The following ALDH1L1 variants were observed in gnomAD, a reference collection of about 807,000 sequenced individuals.
ALDH1L1 encodes aldehyde dehydrogenase 1 family member L1.
Under a neutral mutation model 101.1 loss-of-function variants are expected in ALDH1L1, and 68 were observed. That is an observed-to-expected ratio of 0.67 (90% confidence interval 0.55 to 0.82). The LOEUF (loss-of-function observed/expected upper bound fraction) is 0.82. ALDH1L1 is among the 40% of genes least tolerant of loss of function. The probability of loss-of-function intolerance (pLI) is 0.00; values close to 1 mark genes in which losing one functional copy is unlikely to be tolerated. For synonymous variants in ALDH1L1, 486 were observed against 470.8 expected, an observed-to-expected ratio of 1.03 and a Z score of -0.42; for missense variants, 1,087 against 1,172.7, an observed-to-expected ratio of 0.93 and a Z score of 1.07.
intron 8 of ALDH1L1, 46 bp downstream of exon 8, chr3:126,150,360 G>A (rs368273789): frequency 5.2e-6 from 8 of 1,544,244 alleles, no homozygotes; most frequent in East Asian, 2.5e-5. Flanking sequence ...ACATGTGCAC[G>A]GCACAACCTG....
chr3:126,148,527 C>T (rs1268947524), intron 8 of ALDH1L1, among the ~76,000 whole-genome samples: 2 of 152,172 alleles, frequency 1.3e-5, no homozygotes, highest in African/African-American at 2.4e-5. Flanking sequence ...GACCATACAT[C>T]CTGGAGGCCG....
In ALDH1L1 at chr3:126,125,624, G is replaced by A; in HGVS notation, c.1792C>T (p.Pro598Ser). Residue 598 changes from proline (P) to serine (S), a missense_variant, in exon 15 of 23, where the codon CCT (proline) becomes TCT (serine). Pro to Ser is a moderately conservative substitution (Grantham distance 74, BLOSUM62 -1). This residue lies in a region of ALDH1L1 where 442 missense variants were observed against 535.7 expected (regional missense o/e 0.83). Coordinates refer to ENST00000393434, the MANE Select transcript of ALDH1L1 (RefSeq NM_012190.4). ...AGTGAACCCACGCTCACCTGAGCAGGCTTGATCACCACTGTGTTCCCGGCA... is the reference window on the plus strand; with the variant it reads ...AGTGAACCCACGCTCACCTGAGCAGACTTGATCACCACTGTGTTCCCGGCA... ...LAAGNTVVIKPAQVTPLTALK... is the reference protein window; with the variant it reads ...LAAGNTVVIKSAQVTPLTALK... 6.3e-7 allele frequency: 1 copy of A among 1,584,024 alleles called. No individual in the cohort carries two copies. Among genetic ancestry groups the A allele is most frequent in the Non-Finnish European group, 8.6e-7 (1 of 1,163,516 alleles).
intron 1 of ALDH1L1, among the ~76,000 whole-genome samples, chr3:126,171,713 C>T (rs1314408985): frequency 6.6e-6 from 1 of 152,148 alleles, no homozygotes; most frequent in Non-Finnish European, 1.5e-5. Context: ...AGTGAATGGA[C>T]ACCCAGGGCC....
chr3:126,153,750 C>T (rs567944709), intron 6 of ALDH1L1, among the ~76,000 whole-genome samples, 169 bp from the exon 7 acceptor site: 2 of 152,178 alleles, frequency 1.3e-5, no homozygotes, highest in African/African-American at 4.8e-5. Flanking sequence ...TCCTGGGGCA[C>T]AAACAAGACC....
In ALDH1L1 at chr3:126,155,408, T is replaced by C. The variant is rs1402345154; in HGVS notation, c.624A>G (p.Thr208=). 3.1e-6 allele frequency: 5 copies of C among 1,612,872 alleles called. No individual in the cohort carries two copies. The Admixed American group carries it at 8.4e-5, about 27-fold the overall frequency. The change falls in exon 5 of 23, where the codon ACA becomes ACG. Residue 208 remains threonine (T), a synonymous_variant. Transcript: ENST00000393434. The part of the protein sequence containing the change: ...ATYEGIQKKE[T]AKINWDQPAE... ...GGAGGGACCCAGCACTCACCTTGGC[T>C]GTCTCCTTCTTCTGAATCCCCTCAT... is the stretch of plus-strand genomic sequence containing the variant.
intron 1 of ALDH1L1, among the ~76,000 whole-genome samples, chr3:126,177,221 A>G (rs1055392393): frequency 6.6e-6 from 1 of 152,258 alleles, no homozygotes; most frequent in Non-Finnish European, 1.5e-5. Context: ...AAAGGAGAAG[A>G]AAACTAATGT....
chr3:126,181,436 C>G (rs547491969), upstream of ALDH1L1: 5 of 243,680 alleles, frequency 2.1e-5, no homozygotes, highest in African/African-American at 6.6e-5. Flanking sequence ...AGTGCCTGAA[C>G]ACATCAGGCT....
rs57147668 is a variant in ALDH1L1, at chr3:126,170,982, G to A, written c.-24+9494C>T. On this transcript the variant is annotated intron_variant, in intron 1 of 22. Coordinates refer to ENST00000393434, the MANE Select transcript of ALDH1L1 (RefSeq NM_012190.4). ...AACAAGCACATTCCCTTTCCTTCAGGGGCACTAAGACAGGAAAGCTAAAAG... is the reference window on the plus strand; with the variant it reads ...AACAAGCACATTCCCTTTCCTTCAGAGGCACTAAGACAGGAAAGCTAAAAG... Among the ~76,000 whole-genome samples the A allele has an allele frequency of 0.016, 2,489 of 152,192 alleles. 117 individuals carry two copies. The East Asian group carries it at 0.19, about 12-fold the overall frequency.
intron 4 of ALDH1L1, among the ~76,000 whole-genome samples, chr3:126,157,116 C>T (rs572347566): frequency 2.0e-5 from 3 of 152,096 alleles, no homozygotes; most frequent in Non-Finnish European, 4.4e-5. Context: ...TTTTGCCAAA[C>T]GCTTTTTGAG....
At chr3:126,188,739 A>T (rs2081535498) in intron 1 of ALDH1L1, among the ~76,000 whole-genome samples, 1 of 152,226 alleles carries the variant, frequency 6.6e-6, no homozygotes, top group African/African-American at 2.4e-5. Flanking sequence ...TGTTTAACAG[A>T]TAGCTGCATG....
intron 3 of ALDH1L1, among the ~76,000 whole-genome samples, chr3:126,158,052 G>A (rs927759195): frequency 5.3e-5 from 8 of 151,940 alleles, no homozygotes; most frequent in South Asian, 4.2e-4. Flanking sequence ...CCAGCCCACC[G>A]CCTGGGGTGG....
chr3:126,120,186 C>T (rs190711145), intron 16 of ALDH1L1, among the ~76,000 whole-genome samples: 21 of 152,338 alleles, frequency 1.4e-4, no homozygotes, highest in Admixed American at 9.1e-4. Flanking sequence ...CGAATGTTTA[C>T]GGCAGCTTTA....
chr3:126,117,268 G>A (rs376984098), intron 17 of ALDH1L1, among the ~76,000 whole-genome samples: 2 of 149,484 alleles, frequency 1.3e-5, no homozygotes, highest in South Asian at 2.1e-4. Context: ...AAAAGAAGCA[G>A]GTGAAATTAA....
intron 22 of ALDH1L1, chr3:126,105,414 G>A (rs568084725): frequency 1.0e-5 from 4 of 395,824 alleles, no homozygotes; most frequent in African/African-American, 6.2e-5. Flanking sequence ...GGGTCTTCAT[G>A]GCCAACTCCT....
chr3:126,136,730 G>T, intron 11 of ALDH1L1, 34 bp downstream of exon 11: 1 of 1,554,306 alleles, frequency 6.4e-7, no homozygotes, highest in Non-Finnish European at 8.7e-7. Context: ...GGAGGCTGGG[G>T]AATGTGGAGA....
At chr3:126,156,927 C>T (rs1400555279) in intron 4 of ALDH1L1, among the ~76,000 whole-genome samples, 1 of 152,142 alleles carries the variant, frequency 6.6e-6, no homozygotes, top group African/African-American at 2.4e-5. Context: ...TCCTCTAATT[C>T]AGGGCAGCCA....
rs1476798408 is a variant in ALDH1L1, at chr3:126,158,506, G to A, written c.261C>T (p.Ser87=). 2 of 1,614,190 alleles carry A rather than the reference G, an allele frequency of 1.2e-6. No homozygotes were observed. Among genetic ancestry groups the A allele is most frequent in the African/African-American group, 1.3e-5 (1 of 75,058 alleles). The part of the protein sequence containing the change: ...GAELNVLPFC[S]QFIPMEIISA... ...TGATTATCTCCATGGGGATGAATTG[G>A]CTGCAGAAGGGCAGGACGTTGAGCT... The change falls in exon 3 of 23, where the codon AGC becomes AGT. Residue 87 remains serine (S), a synonymous_variant. Coordinates refer to ENST00000393434, the MANE Select transcript of ALDH1L1 (RefSeq NM_012190.4).
At chr3:126,192,984 G>A (rs756242649) in intron 1 of ALDH1L1, among the ~76,000 whole-genome samples, 17 of 152,192 alleles carry the variant, frequency 1.1e-4, no homozygotes, top group Non-Finnish European at 1.9e-4. Context: ...ACAGGTTGGA[G>A]TTTGCCTTAT....
intron 16 of ALDH1L1, among the ~76,000 whole-genome samples, chr3:126,120,229 A>G (rs2080051975): frequency 6.6e-6 from 1 of 152,266 alleles, no homozygotes; most frequent in South Asian, 2.1e-4. Flanking sequence ...AGTTACCAAG[A>G]CGTCCTTCAG....
Sources: allele counts gnomAD v4.1 joint callset (sites outside exome capture counted in the v4.1 genomes callset), GRCh38; gene constraint gnomAD v4.1.1; regional missense constraint gnomAD v4.1.1; transcripts MANE v1.5; gene names NCBI Gene and HGNC (gene_info 2026-07-23, HGNC 2026-07-21).